TFAP2D: variants seen among roughly 807,000 people sequenced by gnomAD.
TFAP2D encodes the protein transcription factor AP-2-delta.
In TFAP2D, 9 loss-of-function variants were observed where a neutral mutation model predicts 43.6. The observed-to-expected ratio is 0.21, with a 90% confidence interval of 0.12 to 0.36. The LOEUF is 0.36. Among genes scored for constraint, TFAP2D ranks in the 10% least tolerant of loss-of-function variants. TFAP2D has a pLI of 1.00. For synonymous variants in TFAP2D, 256 were observed against 224.9 expected, an observed-to-expected ratio of 1.14 and a Z score of -1.24; for missense variants, 513 against 561.4, an observed-to-expected ratio of 0.91 and a Z score of 0.87.
chr6:50,730,968 A>G (rs141844573), intron 5 of TFAP2D, among the ~76,000 whole-genome samples: 3 of 152,248 alleles, frequency 2.0e-5, no homozygotes, highest in African/African-American at 4.8e-5. Flanking sequence ...CAAGCTGTCT[A>G]TGAAAGTACT....
At chr6:50,719,501 G>GA (rs3835214) in intron 3 of TFAP2D, among the ~76,000 whole-genome samples, 10,005 of 133,524 alleles carry the variant, frequency 0.075, 460 homozygotes, top group East Asian at 0.17. Flanking sequence ...AAGAAAGAAA[G>GA]AAGTTTCTCA....
intron 7 of TFAP2D, among the ~76,000 whole-genome samples, chr6:50,757,376 C>A (rs1475442705): frequency 1.4e-4 from 19 of 131,170 alleles, no homozygotes; most frequent in Admixed American, 1.3e-3. Context: ...ATATAGAATA[C>A]ATGTAATTAT....
At chr6:50,728,003 T>C (rs561754715) in intron 3 of TFAP2D, among the ~76,000 whole-genome samples, 31 of 152,252 alleles carry the variant, frequency 2.0e-4, no homozygotes, top group African/African-American at 7.0e-4. Context: ...CTGGAGGAGA[T>C]TGAAGCTCAG....
chr6:50,766,966 C>T (rs1019764640), intron 7 of TFAP2D, among the ~76,000 whole-genome samples: 5 of 152,124 alleles, frequency 3.3e-5, no homozygotes, highest in African/African-American at 1.2e-4. Flanking sequence ...CCGTGCCCGG[C>T]CTGCTTTCTT....
chr6:50,714,837 G>C (rs1369100758), intron 1 of TFAP2D, among the ~76,000 whole-genome samples: 1 of 152,096 alleles, frequency 6.6e-6, no homozygotes, highest in Non-Finnish European at 1.5e-5. Flanking sequence ...GTCTGTGCGT[G>C]TGTGTGCGTG....
intron 5 of TFAP2D, among the ~76,000 whole-genome samples, chr6:50,741,229 A>G (rs2113880509): frequency 6.6e-6 from 1 of 152,182 alleles, no homozygotes; most frequent in East Asian, 1.9e-4. Context: ...TTGCTCTTGG[A>G]ATACTTTTCT....
At position 50,751,235 on chromosome 6, in the gene TFAP2D, C is replaced by A; in HGVS notation, c.1050C>A (p.Asp350Glu). ...ATKQICKEFQ[D>E]LLSQDRSPLG... ...GACAAATCTGTAAAGAATTCCAAGACCTCTTGAGCCAAGATAGATCACCAC... is the reference window on the plus strand; with the variant it reads ...GACAAATCTGTAAAGAATTCCAAGAACTCTTGAGCCAAGATAGATCACCAC... Residue 350 changes from aspartate to glutamate, a missense_variant, in exon 7 of 8, where the codon GAC (aspartate) becomes GAA (glutamate). Coordinates refer to ENST00000008391, the MANE Select transcript of TFAP2D (RefSeq NM_172238.4). 1.2e-6 allele frequency: 2 copies of A among 1,610,368 alleles called. No homozygotes were observed. The highest frequency in any genetic ancestry group is 1.7e-6 in the Non-Finnish European group (2 of 1,177,438).
rs187907140 is a variant in TFAP2D, at chr6:50,744,631, C to T, written c.884-476C>T. 4.4e-4 allele frequency among the ~76,000 whole-genome samples: 67 copies of T among 152,156 alleles called. 1 individual carries two copies. The Middle Eastern group carries it at 0.01, about 23-fold the overall frequency. Reference sequence around the variant, plus strand: ...TTATTCATGATTTTCCAAAGTTCTCCGACTTCCTCGAAAAGTTATATGGAC... The same window carrying T: ...TTATTCATGATTTTCCAAAGTTCTCTGACTTCCTCGAAAAGTTATATGGAC... On this transcript the variant is annotated intron_variant, in intron 5 of 7. Coordinates refer to ENST00000008391, the MANE Select transcript of TFAP2D (RefSeq NM_172238.4).
chr6:50,753,423 G>A (rs1769224632), intron 7 of TFAP2D, among the ~76,000 whole-genome samples: 1 of 151,888 alleles, frequency 6.6e-6, no homozygotes, highest in Non-Finnish European at 1.5e-5. Context: ...CAATACATTA[G>A]TCAGTTGCCA....
chr6:50,764,200 A>T (rs1769408702), intron 7 of TFAP2D, among the ~76,000 whole-genome samples: 1 of 152,120 alleles, frequency 6.6e-6, no homozygotes, highest in African/African-American at 2.4e-5. Context: ...TCTCTGAAAC[A>T]TGTGCTTGTG....
rs145015707 is a variant in TFAP2D, at chr6:50,736,037, G to T, written c.883+6725G>T. 2.2e-4 allele frequency among the ~76,000 whole-genome samples: 34 copies of T among 152,066 alleles called. No homozygotes were observed. The South Asian group carries it at 3.1e-3, about 14-fold the overall frequency. On this transcript the variant is annotated intron_variant, in intron 5 of 7. Coordinates refer to ENST00000008391, the MANE Select transcript of TFAP2D (RefSeq NM_172238.4). ...AGGTACCAACAATGGGCTTTTTTTGGGTGGTGGTGGTGACATATGAAACTA... is the reference window on the plus strand; with the variant it reads ...AGGTACCAACAATGGGCTTTTTTTGTGTGGTGGTGGTGACATATGAAACTA...
At chr6:50,720,984 G>A (rs1283720659) in intron 3 of TFAP2D, among the ~76,000 whole-genome samples, 9 of 152,210 alleles carry the variant, frequency 5.9e-5, no homozygotes, top group Non-Finnish European at 1.2e-4. Flanking sequence ...GGGAGTTAGA[G>A]AGGAAGAGGC....
At chr6:50,761,656 T>C (rs1287669933) in intron 7 of TFAP2D, among the ~76,000 whole-genome samples, 1 of 152,090 alleles carries the variant, frequency 6.6e-6, no homozygotes, top group African/African-American at 2.4e-5. Flanking sequence ...ACTGGTCTAA[T>C]TTAAATTAGT....
At position 50,713,958 on chromosome 6, in the gene TFAP2D, C is replaced by T. The variant is rs1768570586; in HGVS notation, c.-98C>T. On this transcript the variant is annotated 5_prime_UTR_variant, in exon 1 of 8. Coordinates refer to ENST00000008391, the MANE Select transcript of TFAP2D (RefSeq NM_172238.4). Reference sequence around the variant, plus strand: ...TCTACCTATAGAACATTTTTTTTTTCCTTTAAAAATTGGAAAATACAAGAA... The same window carrying T: ...TCTACCTATAGAACATTTTTTTTTTTCTTTAAAAATTGGAAAATACAAGAA... 2.9e-5 allele frequency: 44 copies of T among 1,533,644 alleles called. No homozygotes were observed. In the Admixed American group the frequency reaches 3.9e-4, roughly 13 times the overall value.
intron 3 of TFAP2D, among the ~76,000 whole-genome samples, chr6:50,721,483 C>T (rs1768724414): frequency 6.6e-6 from 1 of 152,144 alleles, no homozygotes; most frequent in Non-Finnish European, 1.5e-5. Context: ...GAAGTGTATT[C>T]CCAAAAGAGG....
At chr6:50,718,410 C>A (rs1226817110) in intron 2 of TFAP2D, among the ~76,000 whole-genome samples, 1 of 152,102 alleles carries the variant, frequency 6.6e-6, no homozygotes, top group Non-Finnish European at 1.5e-5. Flanking sequence ...GGAAAATGAG[C>A]CTTTAACACA....
rs577061022 is a variant in TFAP2D at position 50,728,610 on chromosome 6, G to A, written c.599-246G>A. Among the ~76,000 whole-genome samples, 16 of 152,268 alleles carry A rather than the reference G, an allele frequency of 1.1e-4. No individual in the cohort carries two copies. The East Asian group carries it at 2.7e-3, about 26-fold the overall frequency. On this transcript the variant is annotated intron_variant, in intron 3 of 7. Transcript: ENST00000008391. ...GCACTGGTGAGTCAGTCTACACTCCGTAGGATGCCAATGTTTCTAACAATT... is the reference window on the plus strand; with the variant it reads ...GCACTGGTGAGTCAGTCTACACTCCATAGGATGCCAATGTTTCTAACAATT...
chr6:50,729,367 C>G (rs1290841993), intron 5 of TFAP2D, 55 bp downstream of exon 5: 1 of 1,451,802 alleles, frequency 6.9e-7, no homozygotes, highest in African/African-American at 1.4e-5. Flanking sequence ...GTCTTTGAAA[C>G]TCAGGTTTCT....
chr6:50,746,443 G>T (rs74832400), intron 6 of TFAP2D, among the ~76,000 whole-genome samples: 1,963 of 152,084 alleles, frequency 0.013, 45 homozygotes, highest in African/African-American at 0.045. Context: ...TTGCCATGTT[G>T]CCCAGGCTGG....
Sources: gnomAD v4.1 joint callset for allele counts (sites outside exome capture counted in the v4.1 genomes callset) on GRCh38, gnomAD v4.1.1 for gene constraint, MANE v1.5 for transcripts, NCBI Gene and HGNC (gene_info 2026-07-23, HGNC 2026-07-21) for gene names.